The following LAT2 variants were observed in gnomAD, a reference collection of about 807,000 sequenced individuals.
LAT2 encodes linker for activation of T-cells family member 2.
In LAT2, 23 loss-of-function variants were observed where a neutral mutation model predicts 43.4. That is an observed-to-expected ratio of 0.53 (90% CI 0.38 to 0.75). The LOEUF (loss-of-function observed/expected upper bound fraction) is 0.75, where lower values mean the gene tolerates loss of function less well. Ranked by LOEUF, LAT2 falls within the 30% of genes least tolerant of loss-of-function variation. The pLI is 0.00. For missense variants in LAT2, 284 were observed against 310.2 expected (o/e 0.92, Z 0.64); for synonymous variants, 128 against 123.2 (o/e 1.04, Z -0.26).
intron 10 of LAT2, 69 bp from the exon 11 acceptor site, chr7:74,223,654 GA>G: frequency 7.0e-7 from 1 of 1,431,884 alleles, no homozygotes; most frequent in Non-Finnish European, 9.8e-7. Flanking sequence ...AGGCAGGACA[GA>G]GCGGGAGGAT....
chr7:74,227,639 T>G (rs1802539070), intron 13 of LAT2, among the ~76,000 whole-genome samples: 1 of 152,200 alleles, frequency 6.6e-6, no homozygotes. Flanking sequence ...ACCCAGGCAC[T>G]GGTGCCATCT....
At chr7:74,214,071 T>TGA (rs1801841773) in intron 1 of LAT2, among the ~76,000 whole-genome samples, 3 of 125,866 alleles carry the variant, frequency 2.4e-5, no homozygotes, top group African/African-American at 1.0e-4. Flanking sequence ...AAAATATATA[T>TGA]AAATATATAT....
chr7:74,212,567 C>T (rs1801767909), intron 1 of LAT2, among the ~76,000 whole-genome samples: 1 of 152,166 alleles, frequency 6.6e-6, no homozygotes, highest in African/African-American at 2.4e-5. Context: ...AGTCCCTGTA[C>T]CCAGCCCGAC....
chr7:74,217,301 G>C (rs188597176), intron 4 of LAT2, among the ~76,000 whole-genome samples: 57 of 152,120 alleles, frequency 3.7e-4, no homozygotes, highest in Admixed American at 1.6e-3. Context: ...CGTGGTGGTG[G>C]GTCCCTCTAC....
At chr7:74,217,124 G>A (rs557806489) in intron 4 of LAT2, among the ~76,000 whole-genome samples, 1 of 152,248 alleles carries the variant, frequency 6.6e-6, no homozygotes, top group East Asian at 1.9e-4. Flanking sequence ...GCTTGCCTGT[G>A]AACCCCTCCA....
chr7:74,223,278 C>T (rs1554715554), intron 10 of LAT2, among the ~76,000 whole-genome samples: 1 of 152,202 alleles, frequency 6.6e-6, no homozygotes, highest in Non-Finnish European at 1.5e-5. Flanking sequence ...ATTGCCTAAG[C>T]TTAGGGGTTC....
At position 74,214,091 on chromosome 7, in the gene LAT2, AATATATATAAATATATATATGAAAAT is replaced by A. The variant is rs1563966565; in HGVS notation, c.-218-697_-218-672del. ...ATATATAAATATATATATATGAAAA[AATATATATAAATATATATATGAAAAT>A]ATATATATAAATATATATATGAAAA... On this transcript the variant is annotated intron_variant, in intron 1 of 13. Coordinates refer to ENST00000460943, the MANE Select transcript of LAT2 (RefSeq NM_032464.3). Among the ~76,000 whole-genome samples the A allele has an allele frequency of 7.7e-3, 861 of 111,360 alleles. 18 individuals carry two copies. The highest frequency in any genetic ancestry group is 0.022 in the Admixed American group (200 of 9,138). The allele number at this position is 111,360 out of a possible 152,430, so 73.1% of individuals were successfully genotyped here.
Position 74,222,677 on chromosome 7 carries a change from G to A in LAT2, c.388+985G>A, listed in dbSNP as rs189258375. On this transcript the variant is annotated intron_variant, in intron 10 of 13. Transcript: ENST00000460943. ...CAACCTCCGCCTCCCGGGTTCAAGC[G>A]ATTTTCCTGCCTCAGCCTCCCGAGT... Among the ~76,000 whole-genome samples, 24 of 152,000 alleles carry A rather than the reference G, an allele frequency of 1.6e-4. No individual in the cohort carries two copies. The East Asian group carries it at 3.3e-3, about 21-fold the overall frequency.
At chr7:74,216,490 AC>A (rs1336376987) in intron 3 of LAT2, among the ~76,000 whole-genome samples, 1 of 151,808 alleles carries the variant, frequency 6.6e-6, no homozygotes, top group East Asian at 1.9e-4. Context: ...TCCTGCCTCA[AC>A]CCCCTGAGTA....
Position 74,220,225 on chromosome 7 carries a change from A to G in LAT2, c.236A>G (p.Lys79Arg). The G allele has an allele frequency of 1.2e-6, 2 of 1,610,860 alleles. No homozygotes were observed. Among genetic ancestry groups the G allele is most frequent in the Non-Finnish European group, 1.7e-6 (2 of 1,178,054 alleles). ...LADMAPTRKDKLLQFYPSLED... is the reference protein window; with the variant it reads ...LADMAPTRKDRLLQFYPSLED... The stretch of plus-strand genomic sequence containing the variant: ...CTTCCCCCTCCCTGCAGGAAGGACA[A>G]GCTGTTGCAATTCTACCCCAGCCTG... The change falls in exon 7 of 14, where the codon AAG (lysine) becomes AGG (arginine). Residue 79 changes from lysine (K) to arginine (R), a missense_variant. Physicochemically the swap from Lys to Arg is conservative, Grantham distance 26. Transcript: ENST00000460943. This position sits in a 1 kb window ranked among gnomAD's most constrained non-coding sequence, Gnocchi z 4.5.
rs1381383056 is a variant in LAT2, at chr7:74,224,641, C to A, written c.631C>A (p.Gln211Lys). 6.3e-7 allele frequency: 1 copy of A among 1,597,530 alleles called. No individual in the cohort carries two copies. Among genetic ancestry groups the A allele is most frequent in the Non-Finnish European group, 8.5e-7 (1 of 1,172,276 alleles). ...QWRESRKVMG[Q>K]LQREASPGPV... ...CCTGTCTGCCCGCTGGTCCACAGGG[C>A]AACTCCAGAGAGAAGCATCCCCTGG... Residue 211 changes from glutamine (Q) to lysine (K), a missense_variant and splice_region_variant, in exon 13 of 14, where the codon CAA becomes AAA. Gln to Lys is a moderately conservative substitution (Grantham distance 53, BLOSUM62 1). Coordinates refer to ENST00000460943, the MANE Select transcript of LAT2 (RefSeq NM_032464.3).
At chr7:74,223,891 G>C (rs1038197807) in intron 11 of LAT2, 108 bp downstream of exon 11, 2 of 1,481,522 alleles carry the variant, frequency 1.3e-6, no homozygotes, top group Non-Finnish European at 1.9e-6. Flanking sequence ...TTTGAAGCCT[G>C]AAGGCTCTCG....
Position 74,220,116 on chromosome 7 carries a change from G to A in LAT2, c.228-101G>A. 1.3e-6 allele frequency: 2 copies of A among 1,563,454 alleles called. No individual in the cohort carries two copies. Among genetic ancestry groups the A allele is most frequent in the South Asian group, 1.2e-5 (1 of 86,122 alleles). ...CCTCCCCGAGTCCCAGAGCTCCAGG[G>A]CTCAGCTATGAAGGCCCCACAAGGG... On this transcript the variant is annotated intron_variant, in intron 6 of 13. Coordinates refer to ENST00000460943, the MANE Select transcript of LAT2 (RefSeq NM_032464.3). The surrounding 1 kb of genome is among the most constrained non-coding windows in gnomAD (Gnocchi z 4.5).
chr7:74,217,985 C>T (rs1166637620), intron 4 of LAT2, among the ~76,000 whole-genome samples: 6 of 152,176 alleles, frequency 3.9e-5, no homozygotes, highest in Admixed American at 2.0e-4. Context: ...GCTTTCTGGC[C>T]GCCTGCAACC....
At chr7:74,219,298 G>A (rs936005941) in intron 4 of LAT2, among the ~76,000 whole-genome samples, 5 of 152,074 alleles carry the variant, frequency 3.3e-5, no homozygotes, top group Non-Finnish European at 7.4e-5. Context: ...CAGCCTCATC[G>A]TCACTCCTGG....
At chr7:74,228,658 G>A (rs1224566657) in intron 13 of LAT2, among the ~76,000 whole-genome samples, 5 of 145,448 alleles carry the variant, frequency 3.4e-5, no homozygotes, top group South Asian at 2.2e-4. Flanking sequence ...TTAGCTGGGC[G>A]TGGTGGCGTA....
intron 10 of LAT2, among the ~76,000 whole-genome samples, chr7:74,223,351 G>A (rs539541558): frequency 2.6e-5 from 4 of 152,334 alleles, no homozygotes; most frequent in South Asian, 4.1e-4. Flanking sequence ...TTAGCTGGGC[G>A]TGGTGGTGCA....
chr7:74,219,611 G>C lies in LAT2; in HGVS notation c.135-133G>C, dbSNP rs1802186210. The C allele has an allele frequency of 1.2e-5, 13 of 1,075,684 alleles. No homozygotes were observed. In the South Asian group the frequency reaches 1.5e-4, roughly 13 times the overall value. 66.6% of individuals were successfully genotyped at this position (1,075,684 alleles called of 1,614,324 possible). A position where few individuals can be genotyped will look rare whatever the true frequency, so the allele number is the denominator to read the frequency against. Reference sequence around the variant, plus strand: ...GAGAATGAGGCCTGAAAGGGCAGCAGTTCCTCCCCACTGTCGCCCCAGTCC... The same window carrying C: ...GAGAATGAGGCCTGAAAGGGCAGCACTTCCTCCCCACTGTCGCCCCAGTCC... On this transcript the variant is annotated intron_variant, in intron 4 of 13. Coordinates refer to ENST00000460943, the MANE Select transcript of LAT2 (RefSeq NM_032464.3).
chr7:74,220,164 G>A lies in LAT2; in HGVS notation c.228-53G>A, dbSNP rs1802209407. 4 of 1,574,254 alleles carry A rather than the reference G, an allele frequency of 2.5e-6. No individual in the cohort carries two copies. In the South Asian group the frequency reaches 3.5e-5, roughly 14 times the overall value. The stretch of plus-strand genomic sequence containing the variant: ...GGGGTATGGGGGGATGTGTCCTGGG[G>A]GGCCTCTCCCCTACAGCCCCTCCTT... On this transcript the variant is annotated intron_variant, in intron 6 of 13. Transcript: ENST00000460943. This position sits in a 1 kb window ranked among gnomAD's most constrained non-coding sequence, Gnocchi z 4.5.
Sources: allele counts gnomAD v4.1 joint callset (sites outside exome capture counted in the v4.1 genomes callset), GRCh38; gene constraint gnomAD v4.1.1; non-coding constraint Gnocchi (gnomAD v3.1); transcripts MANE v1.5; gene names NCBI Gene and HGNC (gene_info 2026-07-23, HGNC 2026-07-21).